NIN: variants seen among roughly 807,000 people sequenced by gnomAD.
NIN encodes the protein glycogen synthase kinase 3 beta-interacting protein.
Under a neutral mutation model 257.6 loss-of-function variants are expected in NIN, and 137 were observed. That is an observed-to-expected ratio of 0.53 (90% CI 0.46 to 0.61). NIN has a LOEUF of 0.61. Among genes scored for constraint, NIN ranks in the 20% least tolerant of loss-of-function variants. The pLI is 0.00. For missense variants in NIN, 2,439 were observed against 2,501.2 expected, an observed-to-expected ratio of 0.98 and a Z score of 0.53; for synonymous variants, 918 against 919.8, an observed-to-expected ratio of 1.00 and a Z score of 0.04.
At chr14:50,823,174 C>A in intron 2 of NIN, 1 of 545,006 alleles carries the variant, frequency 1.8e-6, no homozygotes, top group Non-Finnish European at 3.7e-6. Context: ...TTTTTCCTTG[C>A]ATGACAGTTC....
chr14:50,785,945 G>A (rs144207912), intron 5 of NIN, among the ~76,000 whole-genome samples: 4 of 152,320 alleles, frequency 2.6e-5, no homozygotes, highest in East Asian at 1.9e-4. Context: ...GGGTTGTCAC[G>A]ACCAGAATGC....
chr14:50,800,422 G>C (rs765523377), intron 4 of NIN, among the ~76,000 whole-genome samples: 19 of 152,170 alleles, frequency 1.2e-4, no homozygotes, highest in Non-Finnish European at 2.6e-4. Context: ...CATTTCTTTT[G>C]AGTATCATGT....
In NIN at chr14:50,766,370, A is replaced by G. The variant is rs763310642; in HGVS notation, c.1572T>C (p.Ala524=). ...GTCTCTCTTCTTGCAGGAAGAACTCAGCACTGCTAGGATCGAGGTCACCAA... is the reference window on the plus strand; with the variant it reads ...GTCTCTCTTCTTGCAGGAAGAACTCGGCACTGCTAGGATCGAGGTCACCAA... ...EKFGDLDPSS[A]EFFLQEERLT... The change falls in exon 14 of 31, where the codon GCT becomes GCC. Residue 524 remains alanine (A), a synonymous_variant. Coordinates refer to ENST00000530997, the MANE Select transcript of NIN (RefSeq NM_020921.4). 8.7e-6 allele frequency: 14 copies of G among 1,614,132 alleles called. No homozygotes were observed. The Admixed American group carries it at 1.2e-4, about 13-fold the overall frequency.
intron 12 of NIN, among the ~76,000 whole-genome samples, chr14:50,769,863 G>C (rs1033797538): frequency 1.3e-5 from 2 of 151,872 alleles, no homozygotes; most frequent in African/African-American, 2.4e-5. Context: ...GGATCACTTG[G>C]GGCCAGGAGT....
intron 26 of NIN, among the ~76,000 whole-genome samples, chr14:50,738,903 C>T (rs2041135689): frequency 6.6e-6 from 1 of 152,090 alleles, no homozygotes. Context: ...AGACCTTAAA[C>T]CTTGAAATGC....
At chr14:50,744,653 A>G (rs1374146352) in intron 22 of NIN, among the ~76,000 whole-genome samples, 1 of 152,162 alleles carries the variant, frequency 6.6e-6, no homozygotes, top group East Asian at 1.9e-4. Flanking sequence ...AGACTATAGA[A>G]TTGGGCTGTG....
chr14:50,772,923 A>C, intron 8 of NIN, 26 bp downstream of exon 8: 1 of 1,592,628 alleles, frequency 6.3e-7, no homozygotes, highest in African/African-American at 1.4e-5. Flanking sequence ...TTATTCACAA[A>C]GAAAGCACTT....
chr14:50,726,265 CA>C (rs1243265561), intron 29 of NIN, 199 bp from the exon 30 acceptor site: 1 of 497,880 alleles, frequency 2.0e-6, no homozygotes, highest in African/African-American at 1.9e-5. Flanking sequence ...GATAAAGGAT[CA>C]GACTGAAAAA....
At chr14:50,730,883 G>T (rs1375713350) in intron 28 of NIN, 1 of 1,318,204 alleles carries the variant, frequency 7.6e-7, no homozygotes, top group Non-Finnish European at 1.0e-6. Context: ...TAATGAGATG[G>T]CTCCATGCTA....
chr14:50,804,193 A>G (rs567736889), intron 4 of NIN, among the ~76,000 whole-genome samples: 2 of 152,232 alleles, frequency 1.3e-5, no homozygotes, highest in South Asian at 4.2e-4. Flanking sequence ...CACCGCACCC[A>G]GCTCAGAGTC....
chr14:50,724,025 G>T (rs1566769078), intron 30 of NIN: 2 of 245,772 alleles, frequency 8.1e-6, no homozygotes, highest in South Asian at 1.4e-4. Context: ...TGAGGTGTCA[G>T]GTGTGGACTG....
intron 3 of NIN, among the ~76,000 whole-genome samples, chr14:50,818,971 T>C (rs776552979): frequency 4.1e-4 from 63 of 152,214 alleles, no homozygotes; most frequent in Admixed American, 6.5e-4. Flanking sequence ...GCATTCCTGG[T>C]TGAGCGAGAC....
Position 50,760,068 on chromosome 14 carries a change from T to C in NIN, c.2188A>G (p.Arg730Gly). Residue 730 changes from arginine to glycine, a missense_variant, in exon 17 of 31, where the codon AGA becomes GGA. Physicochemically the swap from Arg to Gly is moderately radical, Grantham distance 125. Around this residue, in one of 3 missense-constraint regions of NIN, gnomAD observed 2,043 missense variants for 2,050.2 expected, o/e 1.00. Coordinates refer to ENST00000530997, the MANE Select transcript of NIN (RefSeq NM_020921.4). ...RLQHEMELKA[R>G]LTQAQASFER... ...AAGCTTGCTTGAGCCTGTGTCAGTC[T>C]AGCCTTGAGCTCCATCTCATGTTGC... 2 of 1,614,194 alleles carry C rather than the reference T, an allele frequency of 1.2e-6. No homozygotes were observed. The highest frequency in any genetic ancestry group is 1.7e-6 in the Non-Finnish European group (2 of 1,180,030).
chr14:50,767,652 C>A, intron 12 of NIN, among the ~76,000 whole-genome samples: 1 of 151,974 alleles, frequency 6.6e-6, no homozygotes, highest in East Asian at 1.9e-4. Flanking sequence ...CCCGTCTCTA[C>A]TAAAAATACA....
intron 29 of NIN, chr14:50,727,502 A>C: frequency 8.3e-7 from 1 of 1,203,178 alleles, no homozygotes; most frequent in Non-Finnish European, 1.0e-6. Context: ...AAGATCTGTC[A>C]TTTCTACATA....
chr14:50,754,522 T>G, intron 20 of NIN, 41 bp downstream of exon 20: 1 of 1,518,286 alleles, frequency 6.6e-7, no homozygotes, highest in Non-Finnish European at 9.0e-7. Context: ...GGGAAAATTT[T>G]GGAATCAAAA....
chr14:50,828,241 A>T (rs1424088503), intron 2 of NIN, among the ~76,000 whole-genome samples: 1 of 152,196 alleles, frequency 6.6e-6, no homozygotes, highest in Non-Finnish European at 1.5e-5. Context: ...TCTCACGTCT[A>T]TGAACAATAT....
intron 24 of NIN, 140 bp from the exon 25 acceptor site, chr14:50,741,868 T>G (rs780506773): frequency 4.7e-6 from 4 of 847,546 alleles, no homozygotes; most frequent in Non-Finnish European, 7.3e-6. Context: ...TGTCAGTAGC[T>G]CAGTGGAAAC....
rs1465595879 is a variant in NIN, at chr14:50,757,231, T to A, written c.3799A>T (p.Arg1267Ter). Residue 1267 changes from arginine to a stop codon, truncating the protein, a stop_gained, in exon 18 of 31, where the codon AGA (arginine) becomes TGA (stop). Coordinates refer to ENST00000530997, the MANE Select transcript of NIN (RefSeq NM_020921.4). LOFTEE classifies it high-confidence loss of function. ...TCATCGTAGCGTGTCTCCATCATTCTCAGCTCTTCCTGAAGGCAGTCATTT... is the reference window on the plus strand; with the variant it reads ...TCATCGTAGCGTGTCTCCATCATTCACAGCTCTTCCTGAAGGCAGTCATTT... Reference protein sequence around the residue: ...RENDCLQEELRMMETRYDEAL... With the variant: ...RENDCLQEEL The A allele has an allele frequency of 1.2e-6, 2 of 1,614,200 alleles. No homozygotes were observed. The highest frequency in any genetic ancestry group is 2.2e-5 in the South Asian group (2 of 91,078).
Sources: gnomAD v4.1 joint callset for allele counts (sites outside exome capture counted in the v4.1 genomes callset) on GRCh38, gnomAD v4.1.1 for gene constraint, gnomAD v4.1.1 regional missense constraint, MANE v1.5 for transcripts, NCBI Gene and HGNC (gene_info 2026-07-23, HGNC 2026-07-21) for gene names.